DLC1: variants seen among roughly 807,000 people sequenced by gnomAD.
The protein encoded by DLC1 is DLC1 Rho GTPase activating protein, also known as rho GTPase-activating protein 7.
DLC1 carries 54 observed loss-of-function variants against 140.3 expected under a neutral mutation model. The ratio of observed to expected loss-of-function variants is 0.38; its 90% CI spans 0.31 to 0.48. The LOEUF (loss-of-function observed/expected upper bound fraction) is 0.48. Ranked by LOEUF, DLC1 falls within the 20% of genes least tolerant of loss-of-function variation. The pLI is 0.96. For synonymous variants in DLC1, 986 were observed against 728.1 expected (o/e 1.35, Z -5.70); for missense variants, 2,536 against 1,907.0 (o/e 1.33, Z -6.14).
chr8:13,101,598 A>G (rs368173674), intron 8 of DLC1, among the ~76,000 whole-genome samples: 8 of 152,178 alleles, frequency 5.3e-5, no homozygotes, highest in African/African-American at 1.4e-4. Context: ...TGGGTCATCA[A>G]GCAGATTCAG....
At position 13,305,438 on chromosome 8, in the gene DLC1, C is replaced by G. The variant is rs1832381435; in HGVS notation, c.1315-136G>C. ...CAATAGAAAAATTAGCATTTTGGAA[C>G]TATCAGTAAAATCACTAGAGCTGTC... is the stretch of plus-strand genomic sequence containing the variant. On this transcript the variant is annotated intron_variant, in intron 4 of 17. Transcript: ENST00000276297. The G allele has an allele frequency of 4.7e-6, 4 of 843,164 alleles. No homozygotes were observed. In the South Asian group the frequency reaches 8.1e-5, roughly 17 times the overall value. The allele number at this position is 843,164 out of a possible 1,614,324, so 52.2% of individuals were successfully genotyped here. A position where few individuals can be genotyped will look rare whatever the true frequency, so the allele number is the denominator to read the frequency against.
intron 1 of DLC1, among the ~76,000 whole-genome samples, chr8:13,532,057 G>C (rs1803116746): frequency 6.6e-6 from 1 of 152,178 alleles, no homozygotes; most frequent in Non-Finnish European, 1.5e-5. Flanking sequence ...AAAATCTTTT[G>C]TGTATACTTT....
At chr8:13,570,543 G>A (rs1296061094) in intron 1 of DLC1, among the ~76,000 whole-genome samples, 2 of 144,136 alleles carry the variant, frequency 1.4e-5, no homozygotes, top group East Asian at 4.1e-4. Context: ...AGAATATGCG[G>A]TGTTTGGTTT....
intron 5 of DLC1, among the ~76,000 whole-genome samples, chr8:13,216,070 G>C (rs1459634812): frequency 6.6e-6 from 1 of 152,172 alleles, no homozygotes; most frequent in East Asian, 1.9e-4. Context: ...ACCTTCCGAA[G>C]AGTCACTGTC....
At chr8:13,317,584 C>G (rs1832908834) in intron 4 of DLC1, among the ~76,000 whole-genome samples, 1 of 151,928 alleles carries the variant, frequency 6.6e-6, no homozygotes, top group Admixed American at 6.6e-5. Context: ...ATTTTTTTGA[C>G]CAATATCACT....
In DLC1 at chr8:13,268,872, C is replaced by CTT. The variant is rs57984324; in HGVS notation, c.1348+36395_1348+36396dup. ...TACCCCTCCCATCTGTGCTTCCTTC[C>CTT]TTTTTTTTTTTTTTTTTTTTGAGAT... On this transcript the variant is annotated intron_variant, in intron 5 of 17. Coordinates refer to ENST00000276297, the MANE Select transcript of DLC1 (RefSeq NM_182643.3). 1.1e-3 allele frequency among the ~76,000 whole-genome samples: 145 copies of CTT among 126,434 alleles called. 3 individuals carry two copies. Among genetic ancestry groups the CTT allele is most frequent in the South Asian group, 1.8e-3 (7 of 3,802 alleles). The allele number at this position is 126,434 out of a possible 152,430, so 82.9% of individuals were successfully genotyped here.
intron 4 of DLC1, among the ~76,000 whole-genome samples, chr8:13,315,871 A>G (rs1216846760): frequency 1.3e-5 from 2 of 152,194 alleles, no homozygotes; most frequent in African/African-American, 4.8e-5. Flanking sequence ...AAAGTTATTA[A>G]TAGTTACATT....
intron 4 of DLC1, among the ~76,000 whole-genome samples, chr8:13,352,617 T>C (rs1834729131): frequency 6.6e-6 from 1 of 152,128 alleles, no homozygotes; most frequent in Non-Finnish European, 1.5e-5. Flanking sequence ...CTAGCTCAAG[T>C]GATCTTCCCA....
chr8:13,308,463 C>G, intron 4 of DLC1, among the ~76,000 whole-genome samples: 1 of 152,150 alleles, frequency 6.6e-6, no homozygotes, highest in East Asian at 1.9e-4. Context: ...AGAACTGTCT[C>G]TCTAGAAAGT....
At chr8:13,097,276 T>A (rs200058813) in intron 10 of DLC1, among the ~76,000 whole-genome samples, 3 of 65,432 alleles carry the variant, frequency 4.6e-5, no homozygotes, top group African/African-American at 1.7e-4. Context: ...TATTATTATT[T>A]TTTGAGATAG....
At chr8:13,438,327 T>TTTTTG (rs1839214653) in intron 2 of DLC1, among the ~76,000 whole-genome samples, 1 of 152,188 alleles carries the variant, frequency 6.6e-6, no homozygotes, top group Non-Finnish European at 1.5e-5. Flanking sequence ...AGGTGCTTAA[T>TTTTTG]CAATAGTATT....
At chr8:13,389,901 A>T (rs188523416) in intron 4 of DLC1, among the ~76,000 whole-genome samples, 2 of 152,148 alleles carry the variant, frequency 1.3e-5, no homozygotes, top group Non-Finnish European at 2.9e-5. Context: ...TTATAGTTTG[A>T]TGTGTTAGGT....
chr8:13,514,073 A>C (rs1488330038), intron 1 of DLC1, among the ~76,000 whole-genome samples: 2 of 152,056 alleles, frequency 1.3e-5, no homozygotes, highest in African/African-American at 2.4e-5. Context: ...GCTGTACAGG[A>C]GAAGCTTGAC....
At chr8:13,433,547 G>A (rs1192749448) in intron 2 of DLC1, among the ~76,000 whole-genome samples, 1 of 152,134 alleles carries the variant, frequency 6.6e-6, no homozygotes, top group Non-Finnish European at 1.5e-5. Context: ...CCAACTATAA[G>A]TTCCACAAGT....
At chr8:13,556,996 T>G (rs921609901) in intron 1 of DLC1, among the ~76,000 whole-genome samples, 1 of 152,182 alleles carries the variant, frequency 6.6e-6, no homozygotes, top group African/African-American at 2.4e-5. Flanking sequence ...CAACTGTGAA[T>G]TTATTTATAA....
intron 1 of DLC1, among the ~76,000 whole-genome samples, chr8:13,589,263 T>TC (rs1805434500): frequency 6.6e-6 from 1 of 152,134 alleles, no homozygotes; most frequent in Non-Finnish European, 1.5e-5. Flanking sequence ...GAGATCTTTG[T>TC]ATTTTATATA....
chr8:13,495,643 A>G (rs1180973250), intron 2 of DLC1, among the ~76,000 whole-genome samples: 4 of 152,228 alleles, frequency 2.6e-5, no homozygotes, highest in Non-Finnish European at 5.9e-5. Flanking sequence ...TACATATACT[A>G]CAAATGTAAT....
intron 2 of DLC1, among the ~76,000 whole-genome samples, chr8:13,423,447 A>G (rs1255422664): frequency 6.6e-6 from 1 of 151,992 alleles, no homozygotes; most frequent in African/African-American, 2.4e-5. Flanking sequence ...ATGGGGAGGG[A>G]TCTTTGCTAG....
At chr8:13,555,560 C>T (rs987158914) in intron 1 of DLC1, among the ~76,000 whole-genome samples, 4 of 151,972 alleles carry the variant, frequency 2.6e-5, no homozygotes, top group East Asian at 1.9e-4. Flanking sequence ...GGTATGATCT[C>T]GGCTCACTGC....
Sources: gnomAD v4.1 joint callset for allele counts (sites outside exome capture counted in the v4.1 genomes callset) on GRCh38, gnomAD v4.1.1 for gene constraint, MANE v1.5 for transcripts, NCBI Gene and HGNC (gene_info 2026-07-23, HGNC 2026-07-21) for gene names.